Variants in SRCAP observed in about 807,000 individuals in gnomAD.
SRCAP encodes the protein chromatin remodeling protein SRCAP.
SRCAP carries 46 observed loss-of-function variants against 263.1 expected under a neutral mutation model. The observed-to-expected ratio is 0.17, with a 90% CI of 0.14 to 0.22. SRCAP has a LOEUF of 0.22. Ranked by LOEUF, SRCAP falls within the 10% of genes least tolerant of loss-of-function variation. The pLI, the probability that SRCAP is intolerant of heterozygous loss-of-function variation, is 1.00. For missense variants in SRCAP, 3,695 were observed against 4,181.9 expected (o/e 0.88, Z 3.21); for synonymous variants, 1,813 against 1,662.1 (o/e 1.09, Z -2.21).
rs760273993 is a variant in SRCAP at position 30,739,233 on chromosome 16, C to T, written c.9193C>T (p.Arg3065Cys). Residue 3065 changes from arginine (R) to cysteine (C), a missense_variant, in exon 34 of 34, where the codon CGC becomes TGC. Transcript: ENST00000262518. ...SDEDGSRPLT[R>C]LARLRLEAEG... ...TGAGGATGGAAGCCGCCCCCTCACC[C>T]GCCTGGCCCGCCTTCGGCTTGAAGC... The T allele has an allele frequency of 9.9e-6, 16 of 1,613,310 alleles. No individual in the cohort carries two copies. In the Admixed American group the frequency reaches 2.3e-4, roughly 24 times the overall value.
Position 30,737,343 on chromosome 16 carries a change from C to G in SRCAP, c.7303C>G (p.Arg2435Gly). 2 of 1,614,126 alleles carry G rather than the reference C, an allele frequency of 1.2e-6. No homozygotes were observed. Among genetic ancestry groups the G allele is most frequent in the South Asian group, 1.1e-5 (1 of 91,080 alleles). Residue 2435 changes from arginine to glycine, a missense_variant, in exon 34 of 34, where the codon CGA (arginine) becomes GGA (glycine). Physicochemically the swap from Arg to Gly is moderately radical, Grantham distance 125. Coordinates refer to ENST00000262518, the MANE Select transcript of SRCAP (RefSeq NM_006662.3). ...TPPRCSPARE[R>G]VPRPAPRPRP... ...ACCCCGCTGCAGTCCTGCCAGGGAGCGAGTTCCCAGGCCAGCACCTAGGCC... is the reference window on the plus strand; with the variant it reads ...ACCCCGCTGCAGTCCTGCCAGGGAGGGAGTTCCCAGGCCAGCACCTAGGCC...
In SRCAP at chr16:30,711,918, T is replaced by A. The variant is rs1260224555; in HGVS notation, c.1576T>A (p.Ser526Thr). 2 of 1,613,710 alleles carry A rather than the reference T, an allele frequency of 1.2e-6. No homozygotes were observed. Among genetic ancestry groups the A allele is most frequent in the Non-Finnish European group, 1.7e-6 (2 of 1,180,002 alleles). The part of the protein sequence containing the change: ...ETSGSSASEE[S>T]ESEESEDAQS... ...AAGTGGAAGTTCAGCATCAGAGGAA[T>A]CTGAGTCTGAAGAGTCTGAGGATGC... Residue 526 changes from serine (S) to threonine (T), a missense_variant, in exon 12 of 34, where the codon TCT becomes ACT. Ser to Thr is a moderately conservative substitution (Grantham distance 58). Transcript: ENST00000262518.
chr16:30,699,501 C>G (rs541096975), intron 1 of SRCAP, among the ~76,000 whole-genome samples: 2 of 152,280 alleles, frequency 1.3e-5, no homozygotes, highest in South Asian at 4.1e-4. Flanking sequence ...GCCCTGAATC[C>G]TGGGCGGATT....
chr16:30,710,809 A>T lies in SRCAP; in HGVS notation c.1190A>T (p.Asp397Val), dbSNP rs1311263979. 1.2e-6 allele frequency: 2 copies of T among 1,614,182 alleles called. No homozygotes were observed. The highest frequency in any genetic ancestry group is 3.3e-5 in the Admixed American group (2 of 60,014). Residue 397 changes from aspartate to valine, a missense_variant, in exon 9 of 34, where the codon GAT becomes GTT. This residue lies in a region of SRCAP where 288 missense variants were observed against 302.4 expected (regional missense o/e 0.95). Coordinates refer to ENST00000262518, the MANE Select transcript of SRCAP (RefSeq NM_006662.3). ...CGCAACAAACAGCCTTGGCATCCAG[A>T]TGAAGATGATGAAGAGTTTACTGCC... is the stretch of plus-strand genomic sequence containing the variant. Reference protein sequence around the residue: ...TQRNKQPWHPDEDDEEFTANE... With the variant: ...TQRNKQPWHPVEDDEEFTANE...
intron 18 of SRCAP, 124 bp from the exon 19 acceptor site, chr16:30,720,038 A>G (rs949909239): frequency 7.5e-5 from 77 of 1,030,644 alleles, no homozygotes; most frequent in Admixed American, 2.1e-5. Flanking sequence ...GAGTGAGTAC[A>G]TGTGGTATTT....
intron 3 of SRCAP, among the ~76,000 whole-genome samples, chr16:30,703,720 C>A (rs1246150577): frequency 1.3e-5 from 2 of 151,410 alleles, no homozygotes; most frequent in Admixed American, 1.3e-4. Flanking sequence ...CGTGGTGAAA[C>A]CCTGTCTCTA....
chr16:30,739,225 C>G lies in SRCAP; in HGVS notation c.9185C>G (p.Pro3062Arg). ...TCCTCTGATGAGGATGGAAGCCGCC[C>G]CCTCACCCGCCTGGCCCGCCTTCGG... ...GSSSDEDGSR[P>R]LTRLARLRLE... The change falls in exon 34 of 34, where the codon CCC (proline) becomes CGC (arginine). Residue 3062 changes from proline to arginine, a missense_variant. Pro to Arg is a moderately radical substitution (Grantham distance 103). Around this residue, in one of 12 missense-constraint regions of SRCAP, gnomAD observed 1,207 missense variants for 1,142.9 expected, o/e 1.06. Transcript: ENST00000262518. 1 of 1,613,558 alleles carries G rather than the reference C, an allele frequency of 6.2e-7. No homozygotes were observed. Among genetic ancestry groups the G allele is most frequent in the Non-Finnish European group, 8.5e-7 (1 of 1,180,016 alleles).
At chr16:30,725,587 C>G (rs1023794255) in intron 25 of SRCAP, 4 of 153,972 alleles carry the variant, frequency 2.6e-5, no homozygotes, top group Admixed American at 2.6e-4. Context: ...CCTACTCCCC[C>G]ACCTTCCACC....
chr16:30,699,447 TG>T (rs1311216235), intron 1 of SRCAP, among the ~76,000 whole-genome samples: 1 of 152,184 alleles, frequency 6.6e-6, no homozygotes, highest in Non-Finnish European at 1.5e-5. Context: ...TTCTTGTATT[TG>T]GGGAAGTGTC....
rs181491375 is a variant in SRCAP at position 30,724,724 on chromosome 16, C to G, written c.5300C>G (p.Thr1767Arg). 7 of 1,614,022 alleles carry G rather than the reference C, an allele frequency of 4.3e-6. No individual in the cohort carries two copies. The highest frequency in any genetic ancestry group is 1.7e-5 in the Admixed American group (1 of 60,002). ...CCAGTGGGCCCAGCCCCAGCTCACACGCTGACTTTGGCTCCAGCATCGTCA... is the reference window on the plus strand; with the variant it reads ...CCAGTGGGCCCAGCCCCAGCTCACAGGCTGACTTTGGCTCCAGCATCGTCA... ...ASPVGPAPAH[T>R]LTLAPASSSA... Residue 1767 changes from threonine (T) to arginine (R), a missense_variant, in exon 25 of 34, where the codon ACG becomes AGG. Around this residue, in one of 12 missense-constraint regions of SRCAP, gnomAD observed 1,347 missense variants for 1,304.4 expected, o/e 1.03. Coordinates refer to ENST00000262518, the MANE Select transcript of SRCAP (RefSeq NM_006662.3).
Position 30,707,268 on chromosome 16 carries a change from C to G in SRCAP, c.392C>G (p.Pro131Arg). 6.2e-7 allele frequency: 1 copy of G among 1,614,170 alleles called. No individual in the cohort carries two copies. Among genetic ancestry groups the G allele is most frequent in the South Asian group, 1.1e-5 (1 of 91,086 alleles). The change falls in exon 5 of 34, where the codon CCT becomes CGT. Residue 131 changes from proline to arginine, a missense_variant. This residue lies in a region of SRCAP where 107 missense variants were observed against 223.8 expected (regional missense o/e 0.48). Coordinates refer to ENST00000262518, the MANE Select transcript of SRCAP (RefSeq NM_006662.3). ...AGGCTGCCTAAGGTGCCAGAGCCCC[C>G]TCGCCCCAAAGGTCACTGGGACTAT... The part of the protein sequence containing the change: ...LKRLPKVPEP[P>R]RPKGHWDYLC...
intron 31 of SRCAP, among the ~76,000 whole-genome samples, chr16:30,735,634 G>T (rs1459750708): frequency 8.0e-5 from 11 of 137,994 alleles, no homozygotes; most frequent in African/African-American, 3.1e-4. Context: ...AGGCTAGAGT[G>T]CAGTGGCGCG....
chr16:30,725,637 C>G (rs1172515841), intron 25 of SRCAP: 1 of 153,330 alleles, frequency 6.5e-6, no homozygotes, highest in Admixed American at 6.5e-5. Context: ...CCTGACCAGC[C>G]GCTAGGTTGG....
At chr16:30,700,168 G>C (rs1463630803) in intron 2 of SRCAP, among the ~76,000 whole-genome samples, 187 bp downstream of exon 2, 3 of 152,162 alleles carry the variant, frequency 2.0e-5, no homozygotes, top group Non-Finnish European at 4.4e-5. Flanking sequence ...AGGAAAACGT[G>C]GTCAACCTGG....
rs777975632 is a variant in SRCAP at position 30,704,199 on chromosome 16, C to A, written c.190C>A (p.Pro64Thr). 1 of 1,614,198 alleles carries A rather than the reference C, an allele frequency of 6.2e-7. No homozygotes were observed. Among genetic ancestry groups the A allele is most frequent in the Non-Finnish European group, 8.5e-7 (1 of 1,180,042 alleles). ...CTCACTGGATGGACCTCCAGGCCCC[C>A]CAGATGGTGCCACAGTGCCCCTGGA... Reference protein sequence around the residue: ...DSSLDGPPGPPDGATVPLEGF... With the variant: ...DSSLDGPPGPTDGATVPLEGF... Residue 64 changes from proline to threonine, a missense_variant, in exon 4 of 34, where the codon CCA becomes ACA. Pro to Thr is a conservative substitution (Grantham distance 38). Coordinates refer to ENST00000262518, the MANE Select transcript of SRCAP (RefSeq NM_006662.3).
chr16:30,723,117 C>T lies in SRCAP; in HGVS notation c.4047C>T (p.Thr1349=), dbSNP rs2053027734. 1.2e-6 allele frequency: 2 copies of T among 1,613,976 alleles called. No individual in the cohort carries two copies. Among genetic ancestry groups the T allele is most frequent in the East Asian group, 2.2e-5 (1 of 44,864 alleles). The change falls in exon 24 of 34, where the codon ACC becomes ACT. Residue 1349 remains threonine (T), a synonymous_variant. Transcript: ENST00000262518. ...PAVLNPRPTL[T]PGRLPTPTLG... is the part of the protein sequence containing the mutation. ...TGTTGAATCCACGCCCCACGTTAAC[C>T]CCTGGCCGGCTACCCACACCTACTC...
chr16:30,727,547 A>G (rs1442895375), intron 25 of SRCAP, among the ~76,000 whole-genome samples: 2 of 151,842 alleles, frequency 1.3e-5, no homozygotes, highest in Non-Finnish European at 2.9e-5. Context: ...CCACCATGCC[A>G]GGCTACTTGT....
At chr16:30,732,220 G>A (rs2151297748) in intron 27 of SRCAP, among the ~76,000 whole-genome samples, 1 of 152,202 alleles carries the variant, frequency 6.6e-6, no homozygotes, top group South Asian at 2.1e-4. Flanking sequence ...GGGAGGCTGA[G>A]GCAGGTGGAT....
In SRCAP at chr16:30,723,869, C is replaced by G; in HGVS notation, c.4445C>G (p.Pro1482Arg). The part of the protein sequence containing the change: ...LLTSVTPPLA[P>R]VVPAAPGPPS... Reference sequence around the variant, plus strand: ...ACCAGTGTGACTCCACCATTGGCACCTGTTGTCCCAGCGGCTCCTGGACCT... The same window carrying G: ...ACCAGTGTGACTCCACCATTGGCACGTGTTGTCCCAGCGGCTCCTGGACCT... The change falls in exon 25 of 34, where the codon CCT (proline) becomes CGT (arginine). Residue 1482 changes from proline (P) to arginine (R), a missense_variant. Pro to Arg is a moderately radical substitution (Grantham distance 103). This residue lies in a region of SRCAP where 1,347 missense variants were observed against 1,304.4 expected (regional missense o/e 1.03). Coordinates refer to ENST00000262518, the MANE Select transcript of SRCAP (RefSeq NM_006662.3). 6.2e-7 allele frequency: 1 copy of G among 1,614,166 alleles called. No homozygotes were observed. The highest frequency in any genetic ancestry group is 8.5e-7 in the Non-Finnish European group (1 of 1,180,036).
Sources: allele counts gnomAD v4.1 joint callset (sites outside exome capture counted in the v4.1 genomes callset), GRCh38; gene constraint gnomAD v4.1.1; regional missense constraint gnomAD v4.1.1; transcripts MANE v1.5; gene names NCBI Gene and HGNC (gene_info 2026-07-23, HGNC 2026-07-21).